Variants in ARHGAP15 observed in about 807,000 individuals in gnomAD.
The protein encoded by ARHGAP15 is rho GTPase-activating protein 15.
A neutral mutation model predicts 63.7 loss-of-function variants in ARHGAP15; 51 were observed. The observed-to-expected ratio is 0.80, with a 90% CI of 0.64 to 1.01. ARHGAP15 has a LOEUF of 1.01. ARHGAP15 is among the 50% of genes least tolerant of loss of function. The pLI is 0.00. For synonymous variants in ARHGAP15, 191 were observed against 193.8 expected (o/e 0.99, Z 0.12); for missense variants, 560 against 564.6 (o/e 0.99, Z 0.08).
chr2:143,377,619 CAATTT>C (rs1221111646), intron 6 of ARHGAP15, among the ~76,000 whole-genome samples: 4 of 151,690 alleles, frequency 2.6e-5, no homozygotes, highest in East Asian at 1.9e-4. Context: ...TTTCGAAAGA[CAATTT>C]AATTTCTATG....
chr2:143,642,165 T>G (rs762982256), intron 12 of ARHGAP15, among the ~76,000 whole-genome samples: 26 of 152,270 alleles, frequency 1.7e-4, no homozygotes, highest in Non-Finnish European at 3.5e-4. Context: ...AGGATTTACT[T>G]CAAAATATTA....
intron 9 of ARHGAP15, among the ~76,000 whole-genome samples, chr2:143,517,790 T>A (rs1054678987): frequency 6.6e-6 from 1 of 152,144 alleles, no homozygotes; most frequent in South Asian, 2.1e-4. Flanking sequence ...AAGATACCAT[T>A]TGATCAGAGA....
intron 6 of ARHGAP15, among the ~76,000 whole-genome samples, chr2:143,295,977 A>G (rs1682616659): frequency 6.6e-6 from 1 of 151,966 alleles, no homozygotes; most frequent in African/African-American, 2.4e-5. Flanking sequence ...CGCTGTCACC[A>G]CATTTCTGGG....
At chr2:143,673,758 G>GTATATATATATATATATA (rs70982879) in intron 12 of ARHGAP15, among the ~76,000 whole-genome samples, 890 of 22,072 alleles carry the variant, frequency 0.04, 151 homozygotes, top group Non-Finnish European at 0.094. Context: ...GTGTGTGTGT[G>GTATATATATATATATATA]TATATATATA....
chr2:143,718,178 A>G (rs891374056), intron 13 of ARHGAP15, among the ~76,000 whole-genome samples: 31 of 152,196 alleles, frequency 2.0e-4, no homozygotes, highest in African/African-American at 7.2e-4. Context: ...AGGCTGAGAA[A>G]AGGCTGAAGT....
At chr2:143,682,546 A>C (rs1338118302) in intron 12 of ARHGAP15, 1 of 152,204 alleles carries the variant, frequency 6.6e-6, no homozygotes, top group Admixed American at 6.5e-5. Context: ...AGATATATAT[A>C]TATGTACACG....
chr2:143,520,598 A>C (rs1025652071), intron 10 of ARHGAP15, among the ~76,000 whole-genome samples: 1 of 152,174 alleles, frequency 6.6e-6, no homozygotes, highest in Non-Finnish European at 1.5e-5. Flanking sequence ...AGTCAATTGG[A>C]GTTTAGAGAA....
In ARHGAP15 at chr2:143,410,395, C is replaced by T. The variant is rs531551460; in HGVS notation, c.475-25206C>T. 2.8e-3 allele frequency among the ~76,000 whole-genome samples: 428 copies of T among 152,226 alleles called. 1 individual carries two copies. Among genetic ancestry groups the T allele is most frequent in the African/African-American group, 9.8e-3 (407 of 41,528 alleles). ...ATGCTTATTAATTGACACCAGGCTA[C>T]GTGATTGTCTATCACAATACACCCA... On this transcript the variant is annotated intron_variant, in intron 6 of 13. Transcript: ENST00000295095.
At chr2:143,347,684 G>A (rs1685356571) in intron 6 of ARHGAP15, among the ~76,000 whole-genome samples, 1 of 152,026 alleles carries the variant, frequency 6.6e-6, no homozygotes, top group South Asian at 2.1e-4. Context: ...CTCTCTGGAT[G>A]TTGCGTTAGG....
chr2:143,262,434 C>T (rs1227765179), intron 6 of ARHGAP15, among the ~76,000 whole-genome samples: 2 of 151,668 alleles, frequency 1.3e-5, no homozygotes, highest in African/African-American at 2.4e-5. Flanking sequence ...CACCTTCACT[C>T]ATTCTAGATT....
chr2:143,288,836 C>G (rs1475459727), intron 6 of ARHGAP15, among the ~76,000 whole-genome samples: 3 of 151,770 alleles, frequency 2.0e-5, no homozygotes, highest in Non-Finnish European at 4.4e-5. Context: ...AGCAAGACAC[C>G]CAACTGCTGC....
At chr2:143,634,994 C>A (rs950329015) in intron 12 of ARHGAP15, among the ~76,000 whole-genome samples, 12 of 152,022 alleles carry the variant, frequency 7.9e-5, no homozygotes, top group African/African-American at 2.2e-4. Context: ...TACCTTCTCT[C>A]AGTTGGGAAA....
At chr2:143,239,862 C>A (rs954052932) in intron 5 of ARHGAP15, among the ~76,000 whole-genome samples, 1 of 151,522 alleles carries the variant, frequency 6.6e-6, no homozygotes, top group Non-Finnish European at 1.5e-5. Context: ...GTGGTGGTGC[C>A]CACCTGCAAC....
At chr2:143,669,323 C>T (rs1353522808) in intron 12 of ARHGAP15, among the ~76,000 whole-genome samples, 1 of 152,148 alleles carries the variant, frequency 6.6e-6, no homozygotes, top group Non-Finnish European at 1.5e-5. Flanking sequence ...TTACCTCTCC[C>T]ATGTCTCCTA....
chr2:143,420,898 G>A (rs996393476), intron 6 of ARHGAP15, among the ~76,000 whole-genome samples: 1 of 152,292 alleles, frequency 6.6e-6, no homozygotes, highest in Non-Finnish European at 1.5e-5. Context: ...CTATTAAAAT[G>A]TTTAGCTTTC....
At chr2:143,454,827 GACGTAA>G (rs940575275) in intron 8 of ARHGAP15, among the ~76,000 whole-genome samples, 10 of 152,052 alleles carry the variant, frequency 6.6e-5, no homozygotes, top group Admixed American at 2.6e-4. Flanking sequence ...AAACAAAGAT[GACGTAA>G]ACTCTAAAAA....
intron 6 of ARHGAP15, among the ~76,000 whole-genome samples, chr2:143,389,088 TC>T (rs1687426717): frequency 7.7e-6 from 1 of 129,862 alleles, no homozygotes; most frequent in Non-Finnish European, 1.6e-5. Flanking sequence ...ATTTCTATTT[TC>T]TGTTCTTTTA....
At chr2:143,567,755 T>G (rs1458810805) in intron 11 of ARHGAP15, among the ~76,000 whole-genome samples, 1 of 152,176 alleles carries the variant, frequency 6.6e-6, no homozygotes, top group Admixed American at 6.5e-5. Context: ...GTGAGGTGAT[T>G]TGTTGCCAAG....
chr2:143,360,385 A>C (rs1166681095), intron 6 of ARHGAP15, among the ~76,000 whole-genome samples: 1 of 151,928 alleles, frequency 6.6e-6, no homozygotes, highest in African/African-American at 2.4e-5. Context: ...ACCTCATCTC[A>C]AAAATAAAAA....
Sources: gnomAD v4.1 joint callset for allele counts (sites outside exome capture counted in the v4.1 genomes callset) on GRCh38, gnomAD v4.1.1 for gene constraint, MANE v1.5 for transcripts, NCBI Gene and HGNC (gene_info 2026-07-23, HGNC 2026-07-21) for gene names.